RARS1: variants seen among roughly 807,000 people sequenced by gnomAD.
The protein encoded by RARS1 is arginyl-tRNA synthetase 1.
A neutral mutation model predicts 78.7 loss-of-function variants in RARS1; 75 were observed. The ratio of observed to expected loss-of-function variants is 0.95; its 90% CI spans 0.79 to 1.15. RARS1 has a LOEUF of 1.15. RARS1 is among the 50% of genes most tolerant of loss of function. RARS1 has a pLI of 0.00. For missense variants in RARS1, 787 were observed against 787.5 expected, an observed-to-expected ratio of 1.00 and a Z score of 0.01; for synonymous variants, 273 against 268.2, an observed-to-expected ratio of 1.02 and a Z score of -0.18.
rs377032428 is a variant in RARS1 at position 168,505,629 on chromosome 5, T to C, written c.1058-392T>C. 1.8e-4 allele frequency among the ~76,000 whole-genome samples: 27 copies of C among 151,236 alleles called. 1 individual carries two copies. In the South Asian group the frequency reaches 5.4e-3, roughly 30 times the overall value. Reference sequence around the variant, plus strand: ...TGGCTCACACCTGTAATCCCAGTACTTGGGGAGGCCCAGACAGGAGAATCA... The same window carrying C: ...TGGCTCACACCTGTAATCCCAGTACCTGGGGAGGCCCAGACAGGAGAATCA... On this transcript the variant is annotated intron_variant, in intron 9 of 14. Coordinates refer to ENST00000231572, the MANE Select transcript of RARS1 (RefSeq NM_002887.4).
At chr5:168,508,733 AT>A (rs1758501130) in intron 11 of RARS1, among the ~76,000 whole-genome samples, 2 of 150,788 alleles carry the variant, frequency 1.3e-5, no homozygotes, top group African/African-American at 4.9e-5. Context: ...TTCTGTTTTA[AT>A]TTTTTGAATG....
rs1005185192 is a variant in RARS1 at position 168,495,422 on chromosome 5, G to A, written c.687G>A (p.Gly229=). 1.2e-6 allele frequency: 2 copies of A among 1,613,640 alleles called. No individual in the cohort carries two copies. Among genetic ancestry groups the A allele is most frequent in the South Asian group, 1.1e-5 (1 of 91,036 alleles). ...TAAGCCGCCTCTTTGAATTTGCAGG[G>A]TATGACGTGCTCAGGTATGTGCTCT... is the stretch of plus-strand genomic sequence containing the variant. ...ESISRLFEFA[G]YDVLRLNHVG... is the part of the protein sequence containing the mutation. Residue 229 remains glycine, a synonymous_variant, in exon 6 of 15, where the codon GGG becomes GGA. Coordinates refer to ENST00000231572, the MANE Select transcript of RARS1 (RefSeq NM_002887.4).
At chr5:168,513,560 C>G (rs1211923964) in intron 12 of RARS1, among the ~76,000 whole-genome samples, 1 of 152,182 alleles carries the variant, frequency 6.6e-6, no homozygotes, top group Non-Finnish European at 1.5e-5. Flanking sequence ...ACTCAGCAAT[C>G]TGCCTGCCTC....
rs553308388 is a variant in RARS1, at chr5:168,511,730, CCAATCAAGATATATTT to C, written c.1452+1046_1452+1061del. Among the ~76,000 whole-genome samples, 306 of 152,246 alleles carry C rather than the reference CCAATCAAGATATATTT, an allele frequency of 2.0e-3. 1 individual carries two copies. The highest frequency in any genetic ancestry group is 7.1e-3 in the African/African-American group (293 of 41,528). On this transcript the variant is annotated intron_variant, in intron 12 of 14. Transcript: ENST00000231572. The stretch of plus-strand genomic sequence containing the variant: ...TTTTACATATATATGCCTTAGAACA[CCAATCAAGATATATTT>C]CCATCACCCCAGAGATTTTCCTATC...
chr5:168,502,384 ATT>A (rs759302320), intron 9 of RARS1, among the ~76,000 whole-genome samples: 1,512 of 127,204 alleles, frequency 0.012, 22 homozygotes, highest in East Asian at 0.053. Flanking sequence ...ATATATATAT[ATT>A]TTTTTTTTTT....
chr5:168,494,804 AC>A lies in RARS1; in HGVS notation c.579+156del, dbSNP rs1263559129. 4 of 574,312 alleles carry A rather than the reference AC, an allele frequency of 7.0e-6. No individual in the cohort carries two copies. The Admixed American group carries it at 1.3e-4, about 19-fold the overall frequency. The allele number at this position is 574,312 out of a possible 1,614,324, so 35.6% of individuals were successfully genotyped here. ...CAAGGCTGAGGTGTGCTGTGATCGCACCTGTGAATAGCTACTGCACTTCAAC... is the reference window on the plus strand; with the variant it reads ...CAAGGCTGAGGTGTGCTGTGATCGCACTGTGAATAGCTACTGCACTTCAAC... On this transcript the variant is annotated intron_variant, in intron 5 of 14. Transcript: ENST00000231572.
At chr5:168,506,252 G>C in intron 10 of RARS1, 53 bp downstream of exon 10, 1 of 1,372,426 alleles carries the variant, frequency 7.3e-7, no homozygotes, top group Non-Finnish European at 9.8e-7. Flanking sequence ...AGGTAAGACA[G>C]TATGGTGAGG....
chr5:168,493,767 G>A lies in RARS1; in HGVS notation c.370-127G>A, dbSNP rs1582428528. ...TTAATCTGTCATTCATAATGTGATT[G>A]GACTTCTCTGCTTCTGCCTTTTGAT... On this transcript the variant is annotated intron_variant, in intron 3 of 14. Coordinates refer to ENST00000231572, the MANE Select transcript of RARS1 (RefSeq NM_002887.4). The A allele has an allele frequency of 1.0e-5, 7 of 682,030 alleles. No homozygotes were observed. The East Asian group carries it at 1.9e-4, about 19-fold the overall frequency. 42.2% of individuals were successfully genotyped at this position (682,030 alleles called of 1,614,324 possible).
chr5:168,495,311 C>T lies in RARS1; in HGVS notation c.580-4C>T. On this transcript the variant is annotated splice_polypyrimidine_tract_variant and splice_region_variant and intron_variant, in intron 5 of 14. Transcript: ENST00000231572. Reference sequence around the variant, plus strand: ...AACAGCCTTTCTCTTTTTGTCTACCCCAGGTTATAGTTGACTTTTCCTCCC... The same window carrying T: ...AACAGCCTTTCTCTTTTTGTCTACCTCAGGTTATAGTTGACTTTTCCTCCC... The T allele has an allele frequency of 6.2e-7, 1 of 1,612,694 alleles. No homozygotes were observed. Among genetic ancestry groups the T allele is most frequent in the Non-Finnish European group, 8.5e-7 (1 of 1,179,330 alleles).
chr5:168,506,638 G>T, intron 10 of RARS1, 84 bp from the exon 11 acceptor site: 1 of 1,017,620 alleles, frequency 9.8e-7, no homozygotes. Context: ...GAATTTTACA[G>T]ATCTATTCCT....
rs769590374 is a variant in RARS1 at position 168,506,148 on chromosome 5, A to G, written c.1185A>G (p.Arg395=). The part of the protein sequence containing the change: ...DTSDLAAIKQ[R]LFEEKADMII... ...CTGACCTGGCTGCTATTAAACAAAGACTATTTGAGGAAAAAGCAGATATGA... is the reference window on the plus strand; with the variant it reads ...CTGACCTGGCTGCTATTAAACAAAGGCTATTTGAGGAAAAAGCAGATATGA... Residue 395 remains arginine (R), a synonymous_variant, in exon 10 of 15, where the codon AGA becomes AGG. Coordinates refer to ENST00000231572, the MANE Select transcript of RARS1 (RefSeq NM_002887.4). 3.1e-6 allele frequency: 5 copies of G among 1,591,210 alleles called. No homozygotes were observed. The highest frequency in any genetic ancestry group is 4.3e-6 in the Non-Finnish European group (5 of 1,170,134).
At chr5:168,501,698 G>C (rs1047564838) in intron 8 of RARS1, among the ~76,000 whole-genome samples, 1 of 152,062 alleles carries the variant, frequency 6.6e-6, no homozygotes, top group Non-Finnish European at 1.5e-5. Context: ...ACTCCAGCCT[G>C]GCTGACAGAG....
intron 9 of RARS1, among the ~76,000 whole-genome samples, chr5:168,505,494 T>G (rs1247920996): frequency 1.3e-5 from 2 of 152,174 alleles, no homozygotes; most frequent in African/African-American, 4.8e-5. Context: ...AATTGCAGCT[T>G]TCTCCAAGAG....
At chr5:168,497,558 C>T (rs1365898741) in intron 7 of RARS1, among the ~76,000 whole-genome samples, 1 of 151,738 alleles carries the variant, frequency 6.6e-6, no homozygotes, top group Non-Finnish European at 1.5e-5. Flanking sequence ...GTTTAATTAC[C>T]TCACAGTTCT....
chr5:168,507,818 T>C (rs1415065767), intron 11 of RARS1, among the ~76,000 whole-genome samples: 1 of 151,622 alleles, frequency 6.6e-6, no homozygotes. Flanking sequence ...TGCTGGAGGA[T>C]TGTGTGAGCC....
chr5:168,500,805 G>C (rs753774697), intron 8 of RARS1, 85 bp downstream of exon 8: 80 of 1,469,464 alleles, frequency 5.4e-5, no homozygotes, highest in Non-Finnish European at 5.2e-5. Context: ...GACTTTGAGT[G>C]ATATTTTAAC....
chr5:168,493,123 A>T (rs1758120138), intron 3 of RARS1: 1 of 292,788 alleles, frequency 3.4e-6, no homozygotes, highest in South Asian at 7.2e-5. Flanking sequence ...TGTGTCCAGG[A>T]TTGCTGTGTG....
intron 11 of RARS1, among the ~76,000 whole-genome samples, chr5:168,507,764 A>C (rs1758477718): frequency 1.3e-5 from 2 of 152,140 alleles, no homozygotes; most frequent in African/African-American, 2.4e-5. Context: ...GGGGCTAGGC[A>C]AAGTGGCTCT....
intron 12 of RARS1, among the ~76,000 whole-genome samples, chr5:168,513,259 C>T (rs1758601477): frequency 6.8e-6 from 1 of 147,380 alleles, no homozygotes; most frequent in African/African-American, 2.5e-5. Context: ...GGGATTTCAC[C>T]ATGTTAGCCA....
Sources: gnomAD v4.1 joint callset for allele counts (sites outside exome capture counted in the v4.1 genomes callset) on GRCh38, gnomAD v4.1.1 for gene constraint, MANE v1.5 for transcripts, NCBI Gene and HGNC (gene_info 2026-07-23, HGNC 2026-07-21) for gene names.